Variants in CMKLR1 observed in about 807,000 individuals in gnomAD.
CMKLR1 encodes the protein chemerin chemokine-like receptor 1, also known as chemerin-like receptor 1.
A neutral mutation model predicts 8.2 loss-of-function variants in CMKLR1; 6 were observed. The observed-to-expected ratio is 0.73, with a 90% CI of 0.40 to 1.44. The LOEUF (loss-of-function observed/expected upper bound fraction) is 1.44. Among genes scored for constraint, CMKLR1 ranks in the 40% most tolerant of loss-of-function variants. The pLI is 0.02. For missense variants in CMKLR1, 429 were observed against 478.0 expected, an observed-to-expected ratio of 0.90 and a Z score of 0.96; for synonymous variants, 178 against 181.2, an observed-to-expected ratio of 0.98 and a Z score of 0.14.
rs1020328325 is a variant in CMKLR1, at chr12:108,289,813, G to A, written c.*2028C>T. The stretch of plus-strand genomic sequence containing the variant: ...TGTCATAAGCATTAAGGCACAATAA[G>A]GGAAGGAACAGTTTGTCTCTTAATG... On this transcript the variant is annotated 3_prime_UTR_variant, in exon 4 of 4. Transcript: ENST00000550402. The A allele has an allele frequency of 2.6e-5, 4 of 152,300 alleles. No individual in the cohort carries two copies. Among genetic ancestry groups the A allele is most frequent in the Non-Finnish European group, 5.9e-5 (4 of 68,070 alleles). 9.4% of individuals were successfully genotyped at this position (152,300 alleles called of 1,614,324 possible).
At chr12:108,321,467 C>A (rs114984340) in intron 2 of CMKLR1, among the ~76,000 whole-genome samples, 1 of 152,142 alleles carries the variant, frequency 6.6e-6, no homozygotes, top group East Asian at 1.9e-4. Flanking sequence ...TAAAAATTAA[C>A]GCAAAATATT....
At chr12:108,312,868 C>T (rs1364945124) in intron 2 of CMKLR1, among the ~76,000 whole-genome samples, 1 of 152,134 alleles carries the variant, frequency 6.6e-6, no homozygotes, top group Non-Finnish European at 1.5e-5. Context: ...CAAATCACCC[C>T]CCTCTGCACA....
At chr12:108,319,397 T>C (rs1891804982) in intron 2 of CMKLR1, among the ~76,000 whole-genome samples, 1 of 152,162 alleles carries the variant, frequency 6.6e-6, no homozygotes, top group Non-Finnish European at 1.5e-5. Flanking sequence ...GAGCTAGGAC[T>C]TCAACCCAAA....
chr12:108,314,973 T>A (rs1359311753), intron 2 of CMKLR1, among the ~76,000 whole-genome samples: 2 of 148,562 alleles, frequency 1.3e-5, no homozygotes, highest in African/African-American at 5.1e-5. Flanking sequence ...GTTTTGCTCT[T>A]GTTGCCCAGG....
At chr12:108,334,050 G>T (rs1218857558) in intron 1 of CMKLR1, among the ~76,000 whole-genome samples, 1 of 152,254 alleles carries the variant, frequency 6.6e-6, no homozygotes, top group Non-Finnish European at 1.5e-5. Context: ...TGGAAGCCAG[G>T]TGTTTCAAGT....
intron 1 of CMKLR1, among the ~76,000 whole-genome samples, chr12:108,337,675 T>G (rs895996202): frequency 5.9e-5 from 9 of 152,196 alleles, no homozygotes; most frequent in East Asian, 3.9e-4. Flanking sequence ...TGCCCAAAGT[T>G]AAGGTTATCT....
At chr12:108,305,256 G>A (rs1038992389) in intron 2 of CMKLR1, among the ~76,000 whole-genome samples, 1 of 152,184 alleles carries the variant, frequency 6.6e-6, no homozygotes, top group Non-Finnish European at 1.5e-5. Flanking sequence ...CACATAGACC[G>A]TTCCATAGAT....
In CMKLR1 at chr12:108,292,221, G is replaced by T. The variant is rs1183875678; in HGVS notation, c.742C>A (p.Gln248Lys). 1 of 1,613,974 alleles carries T rather than the reference G, an allele frequency of 6.2e-7. No individual in the cohort carries two copies. The highest frequency in any genetic ancestry group is 1.3e-5 in the African/African-American group (1 of 74,920). ...TTGGTCTTGGCCAGGCGGTTGCGCT[G>T]CAGTTTGCACACGATGGTGAGGTAG... ...ACYLTIVCKL[Q>K]RNRLAKTKKP... is the part of the protein sequence containing the mutation. The change falls in exon 4 of 4, where the codon CAG (glutamine) becomes AAG (lysine). Residue 248 changes from glutamine (Q) to lysine (K), a missense_variant. Coordinates refer to ENST00000550402, the MANE Select transcript of CMKLR1 (RefSeq NM_001142343.2).
intron 1 of CMKLR1, among the ~76,000 whole-genome samples, chr12:108,338,560 A>G (rs1264059728): frequency 6.6e-6 from 1 of 152,188 alleles, no homozygotes; most frequent in African/African-American, 2.4e-5. Context: ...AAAAGCTCAG[A>G]AGTCTTAAAA....
intron 2 of CMKLR1, among the ~76,000 whole-genome samples, chr12:108,329,274 C>T (rs1892050875): frequency 6.6e-6 from 1 of 152,146 alleles, no homozygotes; most frequent in Non-Finnish European, 1.5e-5. Context: ...GCATTCCGAC[C>T]TCCTCCTGCC....
chr12:108,314,931 C>CTTG (rs1555253104), intron 2 of CMKLR1, among the ~76,000 whole-genome samples: 2 of 128,840 alleles, frequency 1.6e-5, no homozygotes, highest in African/African-American at 7.0e-5. Flanking sequence ...CGAACACAGC[C>CTTG]TTGTTTTTTT....
intron 2 of CMKLR1, among the ~76,000 whole-genome samples, chr12:108,327,266 C>T (rs1361655802): frequency 2.0e-5 from 3 of 152,162 alleles, no homozygotes; most frequent in African/African-American, 4.8e-5. Flanking sequence ...TCACTTGAAG[C>T]CAGGAGTTTG....
At chr12:108,297,265 TGATTTTC>T (rs1391020245) in intron 2 of CMKLR1, among the ~76,000 whole-genome samples, 1 of 152,250 alleles carries the variant, frequency 6.6e-6, no homozygotes, top group African/African-American at 2.4e-5. Context: ...CTCTTCCTTA[TGATTTTC>T]TTAATAACAT....
At chr12:108,309,428 C>T (rs1275499391) in intron 2 of CMKLR1, among the ~76,000 whole-genome samples, 1 of 151,812 alleles carries the variant, frequency 6.6e-6, no homozygotes, top group Non-Finnish European at 1.5e-5. Flanking sequence ...GTGGGAACAG[C>T]AGATGCAAAG....
intron 2 of CMKLR1, among the ~76,000 whole-genome samples, chr12:108,306,564 G>A (rs576738057): frequency 1.3e-5 from 2 of 152,182 alleles, no homozygotes; most frequent in Admixed American, 1.3e-4. Context: ...GGCTACCAGG[G>A]GCTCCTAACT....
At chr12:108,312,664 G>T (rs866635360) in intron 2 of CMKLR1, among the ~76,000 whole-genome samples, 5 of 152,228 alleles carry the variant, frequency 3.3e-5, no homozygotes, top group African/African-American at 1.2e-4. Flanking sequence ...GGAAGGGGCA[G>T]AGGAGAGATC....
At chr12:108,310,079 G>T (rs1378486596) in intron 2 of CMKLR1, among the ~76,000 whole-genome samples, 1 of 152,036 alleles carries the variant, frequency 6.6e-6, no homozygotes, top group Non-Finnish European at 1.5e-5. Flanking sequence ...GCCTTGGAGG[G>T]TATGAAGCCT....
chr12:108,304,584 T>G (rs1420666924), intron 2 of CMKLR1, among the ~76,000 whole-genome samples: 2 of 152,106 alleles, frequency 1.3e-5, no homozygotes, highest in African/African-American at 4.8e-5. Context: ...CCTCTCTCTC[T>G]CCCCCAGTCT....
chr12:108,311,681 G>C (rs970785127), intron 2 of CMKLR1, among the ~76,000 whole-genome samples: 3 of 152,184 alleles, frequency 2.0e-5, no homozygotes, highest in Non-Finnish European at 4.4e-5. Context: ...GCAGCATAGA[G>C]GGGGAGAGCT....
Sources: gnomAD v4.1 joint callset for allele counts (sites outside exome capture counted in the v4.1 genomes callset) on GRCh38, gnomAD v4.1.1 for gene constraint, MANE v1.5 for transcripts, NCBI Gene and HGNC (gene_info 2026-07-23, HGNC 2026-07-21) for gene names.